TTN: variants seen among roughly 807,000 people sequenced by gnomAD.
TTN encodes the protein titin, also known as connectin.
Under a neutral mutation model 3,223.0 loss-of-function variants are expected in TTN, and 1,525 were observed. That is an observed-to-expected ratio of 0.47 (90% CI 0.45 to 0.49). The LOEUF (loss-of-function observed/expected upper bound fraction) is 0.49. Among genes scored for constraint, TTN ranks in the 20% least tolerant of loss-of-function variants. The pLI is 0.00. For missense variants in TTN, 40,786 were observed against 43,424.0 expected, an observed-to-expected ratio of 0.94 and a Z score of 5.40; for synonymous variants, 14,094 against 15,161.0, an observed-to-expected ratio of 0.93 and a Z score of 5.17.
intron 10 of TTN, among the ~76,000 whole-genome samples, chr2:178,791,663 A>ATGTG (rs58282760): frequency 0.084 from 12,324 of 147,402 alleles, 857 homozygotes; most frequent in African/African-American, 0.17. Flanking sequence ...GTATGTGTAT[A>ATGTG]TGTGTGTGTG....
At position 178,539,220 on chromosome 2, in the gene TTN, T is replaced by G. The variant is rs768468641; in HGVS notation, c.98715A>C (p.Glu32905Asp). ...CAGAACTCTTGGTTACATCGAGTACTTCTGGAGGATTGCTTGGAGGTTCTG... is the reference window on the plus strand; with the variant it reads ...CAGAACTCTTGGTTACATCGAGTACGTCTGGAGGATTGCTTGGAGGTTCTG... ...NPPEPPSNPP[E>D]VLDVTKSSVS... Residue 32905 changes from glutamate (E) to aspartate (D), a missense_variant, in exon 353 of 363, where the codon GAA becomes GAC. Coordinates refer to ENST00000589042, the MANE Select transcript of TTN (RefSeq NM_001267550.2). 1 of 1,613,718 alleles carries G rather than the reference T, an allele frequency of 6.2e-7. No individual in the cohort carries two copies. Among genetic ancestry groups the G allele is most frequent in the East Asian group, 2.2e-5 (1 of 44,868 alleles).
chr2:178,577,567 A>T (rs2046719367), intron 323 of TTN, 35 bp downstream of exon 323: 1 of 1,509,042 alleles, frequency 6.6e-7, no homozygotes, highest in Non-Finnish European at 8.9e-7. Flanking sequence ...ATTTGCTTTA[A>T]AAAAAAAAGT....
rs1298625768 is a variant in TTN, at chr2:178,622,011, A to G, written c.44914-3T>C. ...GCACCATCTTTAAACCACTTAACCT[A>G]TATTTAAGATAAATAGATTATCAGT... On this transcript the variant is annotated splice_region_variant and splice_polypyrimidine_tract_variant and intron_variant, in intron 243 of 362. Transcript: ENST00000589042. The G allele has an allele frequency of 1.9e-6, 3 of 1,595,796 alleles. No homozygotes were observed. Among genetic ancestry groups the G allele is most frequent in the African/African-American group, 2.7e-5 (2 of 74,268 alleles).
At chr2:178,554,804 G>T in intron 331 of TTN, 52 bp from the exon 332 acceptor site, 2 of 1,611,978 alleles carry the variant, frequency 1.2e-6, no homozygotes. Context: ...AAGCCTACTT[G>T]TTCAAAATTA....
At chr2:178,645,811 C>CTGA in intron 217 of TTN, 109 bp downstream of exon 217, 1 of 641,152 alleles carries the variant, frequency 1.6e-6, no homozygotes, top group South Asian at 2.6e-5. Flanking sequence ...ACAATCATGT[C>CTGA]TGAAAGTACA....
chr2:178,770,182 T>C lies in TTN; in HGVS notation c.8519A>G (p.His2840Arg). ...GACTTTCCTTTCTGAGACCAGTCTG[T>C]GTTTGTCACTTGGCTTAATTTCCAC... ...KSVEIKPSDKHRLVSERKVHK... is the reference protein window; with the variant it reads ...KSVEIKPSDKRRLVSERKVHK... Residue 2840 changes from histidine to arginine, a missense_variant, in exon 36 of 363, where the codon CAC becomes CGC. By Grantham distance (29) the His-to-Arg change is conservative. Transcript: ENST00000589042. 1 of 1,614,160 alleles carries C rather than the reference T, an allele frequency of 6.2e-7. No individual in the cohort carries two copies. Among genetic ancestry groups the C allele is most frequent in the Non-Finnish European group, 8.5e-7 (1 of 1,180,008 alleles).
At chr2:178,790,969 A>G in intron 10 of TTN, 124 bp from the exon 11 acceptor site, 1 of 1,210,838 alleles carries the variant, frequency 8.3e-7, no homozygotes, top group Non-Finnish European at 1.2e-6. Flanking sequence ...TCAGATTTCC[A>G]TTTCAGGGGC....
In TTN at chr2:178,679,995, G is replaced by C; in HGVS notation, c.33479C>G (p.Thr11160Ser). Reference protein sequence around the residue: ...EEVAFEEEVVTHVEEYLVEEE... With the variant: ...EEVAFEEEVVSHVEEYLVEEE... The stretch of plus-strand genomic sequence containing the variant: ...TTCTACAAGATATTCTTCTACATGG[G>C]TTACAACTTCCTCTTCAAAGGCAAC... The change falls in exon 140 of 363, where the codon ACC (threonine) becomes AGC (serine). Residue 11160 changes from threonine (T) to serine (S), a missense_variant. Coordinates refer to ENST00000589042, the MANE Select transcript of TTN (RefSeq NM_001267550.2). 6.2e-7 allele frequency: 1 copy of C among 1,613,078 alleles called. No homozygotes were observed. The highest frequency in any genetic ancestry group is 8.5e-7 in the Non-Finnish European group (1 of 1,179,440).
rs555873482 is a variant in TTN, at chr2:178,769,443, T to G, written c.8902+236A>C. Among the ~76,000 whole-genome samples the G allele has an allele frequency of 2.0e-3, 302 of 151,692 alleles. 7 individuals are homozygous for G. The South Asian group carries it at 0.024, about 12-fold the overall frequency. On this transcript the variant is annotated intron_variant, in intron 37 of 362. Coordinates refer to ENST00000589042, the MANE Select transcript of TTN (RefSeq NM_001267550.2). ...TAATTTTTTTTTTTCCTTTTGTCTT[T>G]GCTAGAGGCAGGATCTCATTGTATT...
At position 178,731,751 on chromosome 2, in the gene TTN, C is replaced by T. The variant is rs373282814; in HGVS notation, c.17124G>A (p.Gln5708=). 5 of 1,613,782 alleles carry T rather than the reference C, an allele frequency of 3.1e-6. No individual in the cohort carries two copies. The highest frequency in any genetic ancestry group is 2.7e-5 in the African/African-American group (2 of 75,034). ...KFVAADAGEY[Q]CRVTNEVGSS... ...TGCCCACCTCATTGGTCACCCGACA[C>T]TGGTATTCGCCAGCATCTGCAGCTA... Residue 5708 remains glutamine, a synonymous_variant, in exon 58 of 363, where the codon CAG becomes CAA. Transcript: ENST00000589042.
chr2:178,804,264 A>G (rs551863069), intron 2 of TTN, among the ~76,000 whole-genome samples: 72 of 152,148 alleles, frequency 4.7e-4, no homozygotes, highest in Non-Finnish European at 8.2e-4. Context: ...GAATGACTAA[A>G]TTTGGTCCTA....
In TTN at chr2:178,646,120, A is replaced by ATATT. The variant is rs1363597362; in HGVS notation, c.40298-91_40298-90insAATA. On this transcript the variant is annotated intron_variant, in intron 216 of 362. Transcript: ENST00000589042. ...TAATAGAAATTATATATATATATAT[A>ATATT]TATATATATATATATATATATATAT... 78 of 133,592 alleles carry ATATT rather than the reference A, an allele frequency of 5.8e-4. 2 individuals carry two copies. The highest frequency in any genetic ancestry group is 8.7e-4 in the Non-Finnish European group (62 of 71,142). The allele number at this position is 133,592 out of a possible 1,614,324, so 8.3% of individuals were successfully genotyped here. A position where few individuals can be genotyped will look rare whatever the true frequency, so the allele number is the denominator to read the frequency against.
Position 178,786,153 on chromosome 2 carries a change from G to T in TTN, c.2077-12C>A, listed in dbSNP as rs988316772. On this transcript the variant is annotated splice_polypyrimidine_tract_variant and intron_variant, in intron 13 of 362. Coordinates refer to ENST00000589042, the MANE Select transcript of TTN (RefSeq NM_001267550.2). The stretch of plus-strand genomic sequence containing the variant: ...TTTCCAACGTCCACCTGGAGACAAG[G>T]TTTCCAGAATTAATACATAGGAATA... 1.3e-5 allele frequency: 21 copies of T among 1,613,214 alleles called. No individual in the cohort carries two copies. Among genetic ancestry groups the T allele is most frequent in the East Asian group, 2.2e-5 (1 of 44,822 alleles).
In TTN at chr2:178,704,188, T is replaced by A; in HGVS notation, c.30182A>T (p.Lys10061Ile). 1 of 1,614,002 alleles carries A rather than the reference T, an allele frequency of 6.2e-7. No individual in the cohort carries two copies. Among genetic ancestry groups the A allele is most frequent in the Non-Finnish European group, 8.5e-7 (1 of 1,179,886 alleles). Reference protein sequence around the residue: ...RAEDQGQYTCKYEDLETSAEL... With the variant: ...RAEDQGQYTCIYEDLETSAEL... ...TGCTGAAGTTTCAAGGTCTTCATAT[T>A]TGCAGGTGTACTGACCCTGGTCTTC... The change falls in exon 106 of 363, where the codon AAA becomes ATA. Residue 10061 changes from lysine to isoleucine, a missense_variant. Transcript: ENST00000589042.
At chr2:178,693,110 C>T (rs2072878259) in intron 119 of TTN, among the ~76,000 whole-genome samples, 1 of 151,916 alleles carries the variant, frequency 6.6e-6, no homozygotes, top group Non-Finnish European at 1.5e-5. Context: ...TGCAGTAGTA[C>T]ATTATATGGC....
chr2:178,711,408 T>TTA, intron 96 of TTN, 59 bp from the exon 97 acceptor site: 2 of 1,484,748 alleles, frequency 1.3e-6, no homozygotes, highest in Non-Finnish European at 9.0e-7. Context: ...CTTCTCACAA[T>TTA]TATATATATA....
intron 243 of TTN, 107 bp downstream of exon 243, chr2:178,622,563 G>T: frequency 1.3e-6 from 1 of 777,926 alleles, no homozygotes; most frequent in Non-Finnish European, 2.1e-6. Context: ...AAAGTAAAGT[G>T]GTGACCAGAG....
rs887610262 is a variant in TTN at position 178,569,001 on chromosome 2, T to C, written c.77131A>G (p.Thr25711Ala). The change falls in exon 326 of 363, where the codon ACC (threonine) becomes GCC (alanine). Residue 25711 changes from threonine to alanine, a missense_variant. Coordinates refer to ENST00000589042, the MANE Select transcript of TTN (RefSeq NM_001267550.2). ...CAACTCAGAGAGACACTGTTTCTGG[T>C]GACATCATCCACAGTTATTTTTCCA... ...PPGKITVDDV[T>A]RNSVSLSWTK... 3.7e-6 allele frequency: 6 copies of C among 1,613,306 alleles called. No homozygotes were observed. The highest frequency in any genetic ancestry group is 4.2e-6 in the Non-Finnish European group (5 of 1,179,572).
intron 102 of TTN, 118 bp from the exon 103 acceptor site, chr2:178,705,475 A>G: frequency 1.2e-6 from 1 of 840,224 alleles, no homozygotes; most frequent in Non-Finnish European, 1.7e-6. Context: ...TATTCAATAA[A>G]TATTAATTTT....
Sources: allele counts gnomAD v4.1 joint callset (sites outside exome capture counted in the v4.1 genomes callset), GRCh38; gene constraint gnomAD v4.1.1; transcripts MANE v1.5; gene names NCBI Gene and HGNC (gene_info 2026-07-23, HGNC 2026-07-21).